The following SNAP47 variants were observed in gnomAD, a reference collection of about 807,000 sequenced individuals.
SNAP47 encodes the protein synaptosomal-associated protein 47.
In SNAP47, 20 loss-of-function variants were observed where a neutral mutation model predicts 31.4. The observed-to-expected ratio is 0.64, with a 90% CI of 0.45 to 0.93. The LOEUF is 0.93. SNAP47 is among the 40% of genes least tolerant of loss of function. SNAP47 has a pLI of 0.00. For missense variants in SNAP47, 492 were observed against 528.5 expected (o/e 0.93, Z 0.68); for synonymous variants, 194 against 213.4 (o/e 0.91, Z 0.79).
chr1:227,735,593 C>A, intron 1 of SNAP47, 94 bp downstream of exon 1: 1 of 1,329,320 alleles, frequency 7.5e-7, no homozygotes, highest in South Asian at 2.1e-5. Context: ...TGACACAGCC[C>A]GAGCCCTCCT....
intron 2 of SNAP47, among the ~76,000 whole-genome samples, chr1:227,749,838 G>A (rs1662230904): frequency 7.2e-6 from 1 of 139,266 alleles, no homozygotes; most frequent in African/African-American, 2.6e-5. Flanking sequence ...TCATCTGTGT[G>A]TGTGTGTTTC....
intron 2 of SNAP47, among the ~76,000 whole-genome samples, chr1:227,757,295 C>T (rs546403489): frequency 2.4e-4 from 36 of 152,276 alleles, no homozygotes; most frequent in Admixed American, 2.1e-3. Context: ...TAAAAGAAAA[C>T]GTGTGAGTGT....
intron 4 of SNAP47, among the ~76,000 whole-genome samples, chr1:227,770,202 G>A (rs886196870): frequency 1.3e-5 from 2 of 152,192 alleles, no homozygotes; most frequent in East Asian, 3.9e-4. Context: ...AACAACAAAT[G>A]CAAACACACA....
chr1:227,740,790 G>A (rs1298044300), intron 1 of SNAP47, among the ~76,000 whole-genome samples: 2 of 152,180 alleles, frequency 1.3e-5, no homozygotes, highest in Non-Finnish European at 1.5e-5. Flanking sequence ...TCCTGGGCCC[G>A]TGGTGACTTT....
At chr1:227,736,359 T>A in intron 1 of SNAP47, 1 of 151,994 alleles carries the variant, frequency 6.6e-6, no homozygotes, top group East Asian at 1.9e-4. Context: ...GACATCGGAG[T>A]AGTGACATGA....
chr1:227,732,735 G>A, upstream of SNAP47: 5 of 1,598,112 alleles, frequency 3.1e-6, no homozygotes, highest in Non-Finnish European at 4.3e-6. Flanking sequence ...AGCTGCAAAG[G>A]ACCCGACATG....
chr1:227,737,269 G>A (rs1408951644), intron 1 of SNAP47, among the ~76,000 whole-genome samples: 1 of 152,256 alleles, frequency 6.6e-6, no homozygotes, highest in African/African-American at 2.4e-5. Context: ...GTGCACATAG[G>A]TGCTCTGCGA....
chr1:227,744,761 C>T (rs1324626097), intron 1 of SNAP47, among the ~76,000 whole-genome samples: 1 of 152,202 alleles, frequency 6.6e-6, no homozygotes, highest in Non-Finnish European at 1.5e-5. Context: ...TCCTGCCTGC[C>T]AGGCCAAGCT....
upstream of SNAP47, chr1:227,731,867 C>CGCTG: frequency 6.4e-6 from 1 of 156,794 alleles, no homozygotes; most frequent in Non-Finnish European, 1.4e-5. Flanking sequence ...ACTCTGGGTA[C>CGCTG]CCAGAGGAAG....
At chr1:227,777,699 G>A (rs1156985624) in intron 4 of SNAP47, among the ~76,000 whole-genome samples, 1 of 152,138 alleles carries the variant, frequency 6.6e-6, no homozygotes, top group African/African-American at 2.4e-5. Flanking sequence ...CTGGGTCAGG[G>A]TTAGACAGAT....
chr1:227,729,448 A>G (rs1054540180), intron 1 of SNAP47, among the ~76,000 whole-genome samples: 1 of 152,126 alleles, frequency 6.6e-6, no homozygotes, highest in Non-Finnish European at 1.5e-5. Flanking sequence ...CGCTGGCACA[A>G]TCACCTGCCA....
intron 1 of SNAP47, chr1:227,746,651 G>A (rs1661982557): frequency 6.6e-6 from 1 of 152,248 alleles, no homozygotes; most frequent in African/African-American, 2.4e-5. Context: ...CTGCCAGAAT[G>A]AGGAGGACCC....
intron 3 of SNAP47, among the ~76,000 whole-genome samples, chr1:227,764,796 C>T (rs185353332): frequency 3.9e-5 from 6 of 152,076 alleles, no homozygotes; most frequent in African/African-American, 7.2e-5. Context: ...CCCAGCTGCT[C>T]GGGAGGCTGA....
Position 227,735,484 on chromosome 1 carries a change from G to T in SNAP47, c.-61G>T. On this transcript the variant is annotated 5_prime_UTR_variant, in exon 1 of 5. Coordinates refer to ENST00000617596, the MANE Select transcript of SNAP47 (RefSeq NM_053052.4). ...GGCGCCGCGGTCGGCTCTGGGACTCGTCTGGCGTCCCTCAGGTGAGCGACG... is the reference window on the plus strand; with the variant it reads ...GGCGCCGCGGTCGGCTCTGGGACTCTTCTGGCGTCCCTCAGGTGAGCGACG... 1 of 1,420,050 alleles carries T rather than the reference G, an allele frequency of 7.0e-7. No homozygotes were observed. Among genetic ancestry groups the T allele is most frequent in the African/African-American group, 1.5e-5 (1 of 66,886 alleles). The allele number at this position is 1,420,050 out of a possible 1,614,324, so 88.0% of individuals were successfully genotyped here.
intron 1 of SNAP47, chr1:227,736,088 G>A (rs1385435164): frequency 6.5e-6 from 1 of 153,206 alleles, no homozygotes; most frequent in Non-Finnish European, 1.5e-5. Flanking sequence ...GGAGGGATCA[G>A]TGGCACCTGG....
chr1:227,747,705 C>T lies in SNAP47; in HGVS notation c.-32C>T. On this transcript the variant is annotated 5_prime_UTR_variant, in exon 2 of 5. Coordinates refer to ENST00000617596, the MANE Select transcript of SNAP47 (RefSeq NM_053052.4). ...CTTCTCCTTCAGAGGCAGAAGAGGC[C>T]TGGACCTTGGCGCACACAGACCCAG... is the stretch of plus-strand genomic sequence containing the variant. 1 of 1,601,696 alleles carries T rather than the reference C, an allele frequency of 6.2e-7. No individual in the cohort carries two copies. The highest frequency in any genetic ancestry group is 8.5e-7 in the Non-Finnish European group (1 of 1,170,964).
rs1197659503 is a variant in SNAP47, at chr1:227,735,490, C to T, written c.-55C>T. The T allele has an allele frequency of 4.9e-6, 7 of 1,415,942 alleles. No homozygotes were observed. The highest frequency in any genetic ancestry group is 4.5e-5 in the African/African-American group (3 of 66,762). 87.7% of individuals were successfully genotyped at this position (1,415,942 alleles called of 1,614,324 possible). On this transcript the variant is annotated 5_prime_UTR_variant, in exon 1 of 5. Transcript: ENST00000617596. ...GCGGTCGGCTCTGGGACTCGTCTGG[C>T]GTCCCTCAGGTGAGCGACGGTGTTG...
At chr1:227,749,529 T>C (rs1662206284) in intron 2 of SNAP47, among the ~76,000 whole-genome samples, 1 of 152,178 alleles carries the variant, frequency 6.6e-6, no homozygotes, top group South Asian at 2.1e-4. Flanking sequence ...CATCACCCCA[T>C]AGGGCTCTGG....
chr1:227,764,648 G>A (rs557031809), intron 3 of SNAP47, among the ~76,000 whole-genome samples: 3 of 152,302 alleles, frequency 2.0e-5, no homozygotes, highest in South Asian at 2.1e-4. Context: ...GCTCACACCT[G>A]CAATCCCAGC....
Sources: gnomAD v4.1 joint callset for allele counts (sites outside exome capture counted in the v4.1 genomes callset) on GRCh38, gnomAD v4.1.1 for gene constraint, MANE v1.5 for transcripts, NCBI Gene and HGNC (gene_info 2026-07-23, HGNC 2026-07-21) for gene names.